Variants in KIF3A observed in about 807,000 individuals in gnomAD.
The protein encoded by KIF3A is kinesin-like protein KIF3A.
In KIF3A, 27 loss-of-function variants were observed where a neutral mutation model predicts 92.6. That is an observed-to-expected ratio of 0.29 (90% CI 0.21 to 0.40). The LOEUF (loss-of-function observed/expected upper bound fraction) is 0.40. Ranked by LOEUF, KIF3A falls within the 10% of genes least tolerant of loss-of-function variation. The pLI, the probability that KIF3A is intolerant of heterozygous loss-of-function variation, is 1.00. For synonymous variants in KIF3A, 250 were observed against 275.4 expected, an observed-to-expected ratio of 0.91 and a Z score of 0.92; for missense variants, 581 against 872.6, an observed-to-expected ratio of 0.67 and a Z score of 4.21.
At position 132,716,286 on chromosome 5, in the gene KIF3A, G is replaced by A. The variant is rs761866985; in HGVS notation, c.913C>T (p.Leu305Phe). The A allele has an allele frequency of 1.1e-5, 17 of 1,613,850 alleles. No individual in the cohort carries two copies. Among genetic ancestry groups the A allele is most frequent in the Non-Finnish European group, 1.4e-5 (17 of 1,179,920 alleles). Residue 305 changes from leucine (L) to phenylalanine (F), a missense_variant, in exon 7 of 19, where the codon CTT becomes TTT. By Grantham distance (22) the Leu-to-Phe change is conservative. Around this residue, in one of 5 missense-constraint regions of KIF3A, gnomAD observed 40 missense variants for 107.0 expected, o/e 0.37. Coordinates refer to ENST00000403231, the MANE Select transcript of KIF3A (RefSeq NM_001300791.2). ...TTTCCTCCTAAGGAATCCTGAAGAA[G>A]ACGAGTCAGTTTAGAGTTACGATAA... ...VPYRNSKLTR[L>F]LQDSLGGNSK...
chr5:132,713,668 A>G (rs1753509376), intron 8 of KIF3A, among the ~76,000 whole-genome samples: 2 of 152,146 alleles, frequency 1.3e-5, no homozygotes, highest in African/African-American at 4.8e-5. Flanking sequence ...GTATTAGTAT[A>G]CCCACGTTCA....
intron 9 of KIF3A, 89 bp from the exon 10 acceptor site, chr5:132,709,067 G>A: frequency 9.3e-7 from 1 of 1,072,288 alleles, no homozygotes; most frequent in East Asian, 2.6e-5. Context: ...TCAGTTTTCA[G>A]AGAAAAAAAT....
Position 132,737,486 on chromosome 5 carries a change from A to G in KIF3A, c.-67T>C. On this transcript the variant is annotated 5_prime_UTR_variant, in exon 1 of 19. Coordinates refer to ENST00000403231, the MANE Select transcript of KIF3A (RefSeq NM_001300791.2). ...TGCAGCCCAGCGACACCGGGTGCGC[A>G]GAAAGGATGGCCAGAGACTACCGAA... is the stretch of plus-strand genomic sequence containing the variant. 1 of 1,578,444 alleles carries G rather than the reference A, an allele frequency of 6.3e-7. No homozygotes were observed. Among genetic ancestry groups the G allele is most frequent in the Middle Eastern group, 1.7e-4 (1 of 5,952 alleles).
At chr5:132,716,585 G>A (rs1411322422) in intron 6 of KIF3A, 143 bp from the exon 7 acceptor site, 9 of 786,022 alleles carry the variant, frequency 1.1e-5, no homozygotes, top group Non-Finnish European at 1.8e-5. Flanking sequence ...AGGAAAGGAA[G>A]AAGTGGGGGA....
chr5:132,716,305 A>G lies in KIF3A; in HGVS notation c.894T>C (p.Arg298=). The G allele has an allele frequency of 6.2e-7, 1 of 1,614,048 alleles. No individual in the cohort carries two copies. Among genetic ancestry groups the G allele is most frequent in the Non-Finnish European group, 8.5e-7 (1 of 1,179,926 alleles). The part of the protein sequence containing the change: ...VDGKSTHVPY[R]NSKLTRLLQD... ...GAAGAAGACGAGTCAGTTTAGAGTTACGATAAGGCACATGAGTGCTTTTTC... is the reference window on the plus strand; with the variant it reads ...GAAGAAGACGAGTCAGTTTAGAGTTGCGATAAGGCACATGAGTGCTTTTTC... Residue 298 remains arginine (R), a synonymous_variant, in exon 7 of 19, where the codon CGT becomes CGC. Coordinates refer to ENST00000403231, the MANE Select transcript of KIF3A (RefSeq NM_001300791.2).
intron 8 of KIF3A, among the ~76,000 whole-genome samples, chr5:132,713,231 T>C (rs1753491767): frequency 6.6e-6 from 1 of 152,128 alleles, no homozygotes; most frequent in African/African-American, 2.4e-5. Context: ...CAGTGTGTGA[T>C]CCTGGATTGT....
intron 15 of KIF3A, among the ~76,000 whole-genome samples, chr5:132,701,550 G>A (rs1343476572): frequency 2.7e-5 from 4 of 149,930 alleles, no homozygotes; most frequent in Admixed American, 2.0e-4. Context: ...AAAATGCACT[G>A]GAAAGACAAA....
intron 8 of KIF3A, among the ~76,000 whole-genome samples, chr5:132,711,357 T>TGA (rs1378012071): frequency 1.3e-5 from 2 of 152,128 alleles, no homozygotes; most frequent in Non-Finnish European, 2.9e-5. Flanking sequence ...TTTAAGAGGC[T>TGA]GAGGCAGGCA....
In KIF3A at chr5:132,727,765, C is replaced by T. The variant is rs1235090059; in HGVS notation, c.281-1267G>A. Among the ~76,000 whole-genome samples, 5 of 152,048 alleles carry T rather than the reference C, an allele frequency of 3.3e-5. No homozygotes were observed. In the East Asian group the frequency reaches 7.7e-4, roughly 23 times the overall value. On this transcript the variant is annotated intron_variant, in intron 2 of 18. Transcript: ENST00000403231. ...TGAAGAATTGGAGAAAACCAAGGGT[C>T]GATGTGGGGAAACAGAGGGCTGGAG...
chr5:132,730,195 G>A (rs752777648), intron 2 of KIF3A, among the ~76,000 whole-genome samples: 20 of 152,286 alleles, frequency 1.3e-4, no homozygotes, highest in Non-Finnish European at 2.1e-4. Flanking sequence ...GGCTGGGCAC[G>A]GTGGCTCACG....
intron 13 of KIF3A, 94 bp downstream of exon 13, chr5:132,702,791 A>G (rs953005860): frequency 1.5e-6 from 2 of 1,368,710 alleles, no homozygotes; most frequent in African/African-American, 2.9e-5. Flanking sequence ...AATATGCTTT[A>G]AAATTTCAAT....
chr5:132,707,888 A>G (rs1218481190), intron 10 of KIF3A, among the ~76,000 whole-genome samples: 4 of 152,192 alleles, frequency 2.6e-5, no homozygotes, highest in Non-Finnish European at 4.4e-5. Context: ...TTTTCAACTT[A>G]ATTAAATTGT....
intron 8 of KIF3A, among the ~76,000 whole-genome samples, chr5:132,714,395 A>C (rs1262134846): frequency 6.6e-6 from 1 of 152,234 alleles, no homozygotes; most frequent in Non-Finnish European, 1.5e-5. Context: ...GTAGACTTAA[A>C]TGTGATTAAA....
At chr5:132,718,218 C>T (rs1333849772) in intron 5 of KIF3A, among the ~76,000 whole-genome samples, 1 of 152,202 alleles carries the variant, frequency 6.6e-6, no homozygotes, top group Non-Finnish European at 1.5e-5. Context: ...GCAGTACATA[C>T]ATACTGTTCT....
intron 1 of KIF3A, among the ~76,000 whole-genome samples, chr5:132,737,090 C>T (rs938500584): frequency 2.5e-4 from 38 of 152,256 alleles, no homozygotes; most frequent in Non-Finnish European, 2.9e-4. Flanking sequence ...TGGCCACCCC[C>T]AGACGCCCCG....
intron 8 of KIF3A, among the ~76,000 whole-genome samples, chr5:132,712,283 T>C (rs1320138942): frequency 1.3e-5 from 2 of 152,138 alleles, no homozygotes; most frequent in Non-Finnish European, 2.9e-5. Context: ...CCTTTTGTAG[T>C]GCCAAAAAGT....
Position 132,736,259 on chromosome 5 carries a change from G to C in KIF3A, c.6+1155C>G, listed in dbSNP as rs116415219. Among the ~76,000 whole-genome samples the C allele has an allele frequency of 4.9e-3, 745 of 152,310 alleles. 6 individuals carry two copies. Among genetic ancestry groups the C allele is most frequent in the African/African-American group, 0.017 (709 of 41,552 alleles). On this transcript the variant is annotated intron_variant, in intron 1 of 18. Transcript: ENST00000403231. ...GGTTCATAGTATTTAAAGAGCTTTTGAATTAGTTGCTAAAATTGAGAAATT... is the reference window on the plus strand; with the variant it reads ...GGTTCATAGTATTTAAAGAGCTTTTCAATTAGTTGCTAAAATTGAGAAATT...
rs1272666874 is a variant in KIF3A at position 132,715,759 on chromosome 5, T to C, written c.1127A>G (p.Glu376Gly). 6.2e-7 allele frequency: 1 copy of C among 1,604,822 alleles called. No individual in the cohort carries two copies. Among genetic ancestry groups the C allele is most frequent in the Non-Finnish European group, 8.5e-7 (1 of 1,176,098 alleles). ...TTAATATTTTGAGGAAAAGCTACCTTCTTCAAGCTTCTTTTTCAGTTCTTC... is the reference window on the plus strand; with the variant it reads ...TTAATATTTTGAGGAAAAGCTACCTCCTTCAAGCTTCTTTTTCAGTTCTTC... ...EIEELKKKLE[E>G]GEEISGSDIS... The change falls in exon 8 of 19, where the codon GAA becomes GGA. Residue 376 changes from glutamate to glycine, a missense_variant and splice_region_variant. By Grantham distance (98) the Glu-to-Gly change is moderately conservative. This residue lies in a region of KIF3A where 167 missense variants were observed against 205.8 expected (regional missense o/e 0.81). Coordinates refer to ENST00000403231, the MANE Select transcript of KIF3A (RefSeq NM_001300791.2).
Position 132,734,322 on chromosome 5 carries a change from T to C in KIF3A, c.163A>G (p.Asn55Asp). The C allele has an allele frequency of 6.2e-7, 1 of 1,614,156 alleles. No homozygotes were observed. The highest frequency in any genetic ancestry group is 2.2e-5 in the East Asian group (1 of 44,872). Residue 55 changes from asparagine (N) to aspartate (D), a missense_variant, in exon 2 of 19, where the codon AAT (asparagine) becomes GAT (aspartate). Transcript: ENST00000403231. ...TITVHKTDSSNEPPKTFTFDT... is the reference protein window; with the variant it reads ...TITVHKTDSSDEPPKTFTFDT... ...AAAGTAAATGTCTTTGGAGGTTCAT[T>C]GGAAGAATCAGTCTTATGTACAGTG...
Sources: gnomAD v4.1 joint callset for allele counts (sites outside exome capture counted in the v4.1 genomes callset) on GRCh38, gnomAD v4.1.1 for gene constraint, gnomAD v4.1.1 regional missense constraint, MANE v1.5 for transcripts, NCBI Gene and HGNC (gene_info 2026-07-23, HGNC 2026-07-21) for gene names.